The following NYAP2 variants were observed in gnomAD, a reference collection of about 807,000 sequenced individuals.
The protein encoded by NYAP2 is neuronal tyrosine-phosphorylated phosphoinositide-3-kinase adapter 2.
Under a neutral mutation model 50.4 loss-of-function variants are expected in NYAP2, and 23 were observed. The observed-to-expected ratio is 0.46, with a 90% CI of 0.33 to 0.65. NYAP2 has a LOEUF of 0.65. Ranked by LOEUF, NYAP2 falls within the 30% of genes least tolerant of loss-of-function variation. The pLI, the probability that NYAP2 is intolerant of heterozygous loss-of-function variation, is 0.02. For missense variants in NYAP2, 885 were observed against 861.0 expected (o/e 1.03, Z -0.35); for synonymous variants, 394 against 365.2 (o/e 1.08, Z -0.90).
At chr2:225,524,398 C>T (rs909494811) in intron 4 of NYAP2, among the ~76,000 whole-genome samples, 2 of 152,166 alleles carry the variant, frequency 1.3e-5, no homozygotes, top group Non-Finnish European at 2.9e-5. Flanking sequence ...ATACTGGCAG[C>T]TGATTTGATG....
At chr2:225,573,242 T>C (rs1229317806) in intron 4 of NYAP2, among the ~76,000 whole-genome samples, 1 of 145,502 alleles carries the variant, frequency 6.9e-6, no homozygotes, top group African/African-American at 2.7e-5. Context: ...ACAACAACAT[T>C]ATTATTTCTT....
intron 4 of NYAP2, among the ~76,000 whole-genome samples, chr2:225,555,570 C>T (rs1409981324): frequency 1.3e-5 from 2 of 152,222 alleles, no homozygotes; most frequent in South Asian, 2.1e-4. Context: ...GATGTGTGAC[C>T]CATCCATCTA....
the NYAP2 span, among the ~76,000 whole-genome samples, chr2:225,696,350 G>A: frequency 6.6e-6 from 1 of 151,852 alleles, no homozygotes; most frequent in Non-Finnish European, 1.5e-5. Flanking sequence ...GCATAGGTAT[G>A]GAAAACTACT....
chr2:225,457,701 G>A (rs781723860), intron 3 of NYAP2, among the ~76,000 whole-genome samples: 1 of 152,074 alleles, frequency 6.6e-6, no homozygotes, highest in Non-Finnish European at 1.5e-5. Flanking sequence ...CCATTTTATT[G>A]GCCCCAAGAG....
At chr2:225,460,852 G>T (rs1175870086) in intron 3 of NYAP2, among the ~76,000 whole-genome samples, 1 of 151,942 alleles carries the variant, frequency 6.6e-6, no homozygotes, top group Non-Finnish European at 1.5e-5. Flanking sequence ...AATTAGCCGG[G>T]CATGGTGGCA....
At chr2:225,655,423 T>C (rs1693805676), downstream of NYAP2, among the ~76,000 whole-genome samples, 1 of 152,216 alleles carries the variant, frequency 6.6e-6, no homozygotes, top group Non-Finnish European at 1.5e-5. Context: ...TAGAAATCTT[T>C]GGAAATCAGA....
chr2:225,549,722 C>T (rs768537885), intron 4 of NYAP2, among the ~76,000 whole-genome samples: 3 of 152,124 alleles, frequency 2.0e-5, no homozygotes, highest in African/African-American at 4.8e-5. Context: ...TGGCTCATGC[C>T]TGTAATCTCA....
chr2:225,549,541 G>T (rs774711786), intron 4 of NYAP2, among the ~76,000 whole-genome samples: 6 of 152,170 alleles, frequency 3.9e-5, no homozygotes, highest in Non-Finnish European at 7.3e-5. Context: ...GCTTGAGATG[G>T]TTGCTTGTGG....
the NYAP2 span, among the ~76,000 whole-genome samples, chr2:225,677,695 T>C: frequency 7.0e-4 from 91 of 130,214 alleles, no homozygotes; most frequent in Middle Eastern, 0.032. Context: ...TTTCTGATTC[T>C]GTTTGTGTGG....
At chr2:225,428,899 A>G (rs1559177182) in intron 3 of NYAP2, among the ~76,000 whole-genome samples, 1 of 152,244 alleles carries the variant, frequency 6.6e-6, no homozygotes, top group Non-Finnish European at 1.5e-5. Flanking sequence ...AAGTAACCAT[A>G]AAGAGACCAT....
chr2:225,647,809 A>T (rs369535228), intron 6 of NYAP2, among the ~76,000 whole-genome samples: 5 of 152,278 alleles, frequency 3.3e-5, no homozygotes, highest in African/African-American at 9.6e-5. Context: ...AGATCACAGG[A>T]TGCTTTTCAA....
intron 4 of NYAP2, among the ~76,000 whole-genome samples, chr2:225,525,660 A>G (rs1185759239): frequency 1.3e-5 from 2 of 152,192 alleles, no homozygotes; most frequent in African/African-American, 4.8e-5. Flanking sequence ...CTGAAAAATC[A>G]TCTAGTGGAT....
intron 3 of NYAP2, among the ~76,000 whole-genome samples, chr2:225,439,433 T>A (rs563403520): frequency 6.6e-6 from 1 of 152,168 alleles, no homozygotes; most frequent in Non-Finnish European, 1.5e-5. Context: ...GATTACAGAA[T>A]AAGATGTCTG....
chr2:225,620,461 G>T (rs62188707), intron 5 of NYAP2, among the ~76,000 whole-genome samples: 1 of 135,788 alleles, frequency 7.4e-6, no homozygotes. Context: ...ACGCACACAC[G>T]CGCATGCACA....
intron 4 of NYAP2, among the ~76,000 whole-genome samples, chr2:225,524,656 A>G (rs1384879957): frequency 6.6e-6 from 1 of 152,212 alleles, no homozygotes; most frequent in Non-Finnish European, 1.5e-5. Context: ...CTAGGAGAAA[A>G]TTTAGCAAAA....
At chr2:225,664,859 C>T in the NYAP2 span, among the ~76,000 whole-genome samples, 25 of 152,004 alleles carry the variant, frequency 1.6e-4, no homozygotes, top group African/African-American at 5.3e-4. Context: ...GGCGACAGAG[C>T]GAGAGTCCAT....
intron 6 of NYAP2, among the ~76,000 whole-genome samples, chr2:225,640,986 A>G (rs900496175): frequency 6.6e-6 from 1 of 152,324 alleles, no homozygotes; most frequent in Admixed American, 6.5e-5. Flanking sequence ...GGTAGAAACC[A>G]TTGGGATGAT....
chr2:225,554,451 G>C (rs896666527), intron 4 of NYAP2, among the ~76,000 whole-genome samples: 2 of 151,764 alleles, frequency 1.3e-5, no homozygotes, highest in Non-Finnish European at 2.9e-5. Context: ...CTCCTGAGTA[G>C]CTGGGATTAC....
chr2:225,458,888 G>C (rs1249737406), intron 3 of NYAP2, among the ~76,000 whole-genome samples: 1 of 152,218 alleles, frequency 6.6e-6, no homozygotes, highest in East Asian at 1.9e-4. Flanking sequence ...TCCATGGACA[G>C]ACAGAGAGTG....
Sources: allele counts gnomAD v4.1 joint callset (sites outside exome capture counted in the v4.1 genomes callset), GRCh38; gene constraint gnomAD v4.1.1; transcripts MANE v1.5; gene names NCBI Gene and HGNC (gene_info 2026-07-23, HGNC 2026-07-21).